Variants in PRPF8 observed in about 807,000 individuals in gnomAD.
The protein encoded by PRPF8 is pre-mRNA processing factor 8, also known as pre-mRNA-processing-splicing factor 8.
PRPF8 carries 64 observed loss-of-function variants against 285.9 expected under a neutral mutation model. The ratio of observed to expected loss-of-function variants is 0.22; its 90% CI spans 0.18 to 0.28. The LOEUF (loss-of-function observed/expected upper bound fraction) is 0.28, where lower values mean the gene tolerates loss of function less well. Ranked by LOEUF, PRPF8 falls within the 10% of genes least tolerant of loss-of-function variation. The probability of loss-of-function intolerance (pLI) is 1.00; values close to 1 mark genes in which losing one functional copy is unlikely to be tolerated. For synonymous variants in PRPF8, 1,325 were observed against 1,118.2 expected (o/e 1.18, Z -3.69); for missense variants, 1,426 against 3,026.7 (o/e 0.47, Z 12.41).
At chr17:1,682,385 G>C in intron 3 of PRPF8, 92 bp from the exon 4 acceptor site, 2 of 1,495,930 alleles carry the variant, frequency 1.3e-6, no homozygotes, top group Non-Finnish European at 1.9e-6. Flanking sequence ...ATGTTCCACA[G>C]TCCTACCTTA....
In PRPF8 at chr17:1,673,790, C is replaced by A. The variant is rs1219399714; in HGVS notation, c.3402G>T (p.Trp1134Cys). Residue 1134 changes from tryptophan to cysteine, a missense_variant, in exon 22 of 43, where the codon TGG becomes TGT. Trp to Cys is a radical substitution (Grantham distance 215, BLOSUM62 -2). Around this residue, in one of 34 missense-constraint regions of PRPF8, gnomAD observed 148 missense variants for 196.2 expected, o/e 0.75. Transcript: ENST00000304992. The surrounding 1 kb of genome is among the most constrained non-coding windows in gnomAD (Gnocchi z 5.5). ...TGAGGCGCATGCGGGCATCTCGGGG[C>A]CAGCACTTCTTGTTATTATAGCCAA... is the stretch of plus-strand genomic sequence containing the variant. ...NIVGYNNKKC[W>C]PRDARMRLMK... 2 of 1,614,010 alleles carry A rather than the reference C, an allele frequency of 1.2e-6. No homozygotes were observed. The highest frequency in any genetic ancestry group is 1.7e-6 in the Non-Finnish European group (2 of 1,180,052).
Position 1,681,944 on chromosome 17 carries a change from C to A in PRPF8, c.529G>T (p.Asp177Tyr). 6.2e-7 allele frequency: 1 copy of A among 1,613,966 alleles called. No individual in the cohort carries two copies. The highest frequency in any genetic ancestry group is 8.5e-7 in the Non-Finnish European group (1 of 1,179,996). Residue 177 changes from aspartate to tyrosine, a missense_variant, in exon 5 of 43, where the codon GAC becomes TAC. By Grantham distance (160) the Asp-to-Tyr change is radical (BLOSUM62 -3). This residue lies in a region of PRPF8 where 96 missense variants were observed against 188.3 expected (regional missense o/e 0.51). Coordinates refer to ENST00000304992, the MANE Select transcript of PRPF8 (RefSeq NM_006445.4). ...PPFDDEEPPLDYADNILDVEP... is the reference protein window; with the variant it reads ...PPFDDEEPPLYYADNILDVEP... ...ACATCTAGGATGTTGTCAGCATAGTCCAAGGGCGGCTCCTCATCATCAAAA... is the reference window on the plus strand; with the variant it reads ...ACATCTAGGATGTTGTCAGCATAGTACAAGGGCGGCTCCTCATCATCAAAA...
intron 13 of PRPF8, 78 bp downstream of exon 13, chr17:1,678,440 G>C: frequency 6.3e-7 from 1 of 1,581,862 alleles, no homozygotes; most frequent in Non-Finnish European, 8.7e-7. Flanking sequence ...CCAAGATCGT[G>C]CCATTGCACA....
chr17:1,670,555 C>T (rs751479646), intron 24 of PRPF8, among the ~76,000 whole-genome samples: 10 of 151,942 alleles, frequency 6.6e-5, no homozygotes, highest in East Asian at 1.9e-4. Flanking sequence ...GGTGGGATCT[C>T]GGCTCACTGC....
intron 24 of PRPF8, among the ~76,000 whole-genome samples, chr17:1,666,546 CAAAA>C (rs1555552060): frequency 8.9e-6 from 1 of 112,856 alleles, no homozygotes; most frequent in Non-Finnish European, 2.0e-5. Flanking sequence ...GACCCCATCT[CAAAA>C]AAAAAAAAAA....
Position 1,659,671 on chromosome 17 carries a change from G to T in PRPF8, c.4947-123C>A. 2 of 1,383,038 alleles carry T rather than the reference G, an allele frequency of 1.4e-6. No individual in the cohort carries two copies. Among genetic ancestry groups the T allele is most frequent in the African/African-American group, 1.4e-5 (1 of 70,124 alleles). The allele number at this position is 1,383,038 out of a possible 1,614,324, so 85.7% of individuals were successfully genotyped here. On this transcript the variant is annotated intron_variant, in intron 31 of 42. Coordinates refer to ENST00000304992, the MANE Select transcript of PRPF8 (RefSeq NM_006445.4). The surrounding 1 kb of genome is among the most constrained non-coding windows in gnomAD (Gnocchi z 5.1). ...CCACCAACTTGTTCCAGGTCAGCAGGACCCCAGAGAATCAGCAGATCTGAC... is the reference window on the plus strand; with the variant it reads ...CCACCAACTTGTTCCAGGTCAGCAGTACCCCAGAGAATCAGCAGATCTGAC...
chr17:1,667,253 T>C (rs1912042809), intron 24 of PRPF8, among the ~76,000 whole-genome samples: 1 of 152,102 alleles, frequency 6.6e-6, no homozygotes, highest in Admixed American at 6.5e-5. Flanking sequence ...TTAGGTTTAG[T>C]AAATTCTTGG....
At position 1,658,753 on chromosome 17, in the gene PRPF8, T is replaced by G; in HGVS notation, c.5149A>C (p.Asn1717His). Residue 1717 changes from asparagine to histidine, a missense_variant, in exon 33 of 43, where the codon AAC becomes CAC. Asn to His is a moderately conservative substitution (Grantham distance 68). This residue lies in a region of PRPF8 where 74 missense variants were observed against 161.8 expected (regional missense o/e 0.46). Transcript: ENST00000304992. The surrounding 1 kb of genome is among the most constrained non-coding windows in gnomAD (Gnocchi z 4.1). ...LAYNLHSAYG[N>H]WFPGSKPLIQ... Reference sequence around the variant, plus strand: ...AGAGGCTTGCTGCCTGGGAACCAGTTTCCATAGGCACTGTGAGGATAAAAG... The same window carrying G: ...AGAGGCTTGCTGCCTGGGAACCAGTGTCCATAGGCACTGTGAGGATAAAAG... 6.2e-7 allele frequency: 1 copy of G among 1,614,166 alleles called. No individual in the cohort carries two copies. Among genetic ancestry groups the G allele is most frequent in the Non-Finnish European group, 8.5e-7 (1 of 1,179,992 alleles).
chr17:1,654,005 G>A lies in PRPF8; in HGVS notation c.5999C>T (p.Ala2000Val). ...DYGKKNNVNVASLTQSEIRDI... is the reference protein window; with the variant it reads ...DYGKKNNVNVVSLTQSEIRDI... ...TCGAATTTCTGATTGTGTCAGTGAT[G>A]CCACGTTCACACTGTGGGGATGGTG... The change falls in exon 38 of 43, where the codon GCA (alanine) becomes GTA (valine). Residue 2000 changes from alanine to valine, a missense_variant. Around this residue, in one of 34 missense-constraint regions of PRPF8, gnomAD observed 160 missense variants for 373.7 expected, o/e 0.43. Coordinates refer to ENST00000304992, the MANE Select transcript of PRPF8 (RefSeq NM_006445.4). 1 of 1,614,196 alleles carries A rather than the reference G, an allele frequency of 6.2e-7. No individual in the cohort carries two copies. Among genetic ancestry groups the A allele is most frequent in the Non-Finnish European group, 8.5e-7 (1 of 1,180,040 alleles).
In PRPF8 at chr17:1,675,212, G is replaced by T. The variant is rs376110948; in HGVS notation, c.3000C>A (p.Ile1000=). The change falls in exon 20 of 43, where the codon ATC becomes ATA. Residue 1000 remains isoleucine (I), a synonymous_variant. Coordinates refer to ENST00000304992, the MANE Select transcript of PRPF8 (RefSeq NM_006445.4). This position sits in a 1 kb window ranked among gnomAD's most constrained non-coding sequence, Gnocchi z 6.0. ...LTLLNRLLRL[I]VDHNIADYMT... Reference sequence around the variant, plus strand: ...TGTAGTCGGCTATGTTGTGGTCCACGATGAGGCGCAGCAGCCTGTTGAGCA... The same window carrying T: ...TGTAGTCGGCTATGTTGTGGTCCACTATGAGGCGCAGCAGCCTGTTGAGCA... 5.6e-6 allele frequency: 9 copies of T among 1,614,148 alleles called. No individual in the cohort carries two copies. The highest frequency in any genetic ancestry group is 1.1e-5 in the South Asian group (1 of 91,088).
rs1912556592 is a variant in PRPF8, at chr17:1,675,372, T to G, written c.2873-33A>C. 1.2e-6 allele frequency: 2 copies of G among 1,612,542 alleles called. No individual in the cohort carries two copies. Among genetic ancestry groups the G allele is most frequent in the East Asian group, 2.2e-5 (1 of 44,872 alleles). Reference sequence around the variant, plus strand: ...GTAGCAAGGCAGGTCTCCAGCAGGTTAGAAATCCTCTTGCAAGACTAGCCC... The same window carrying G: ...GTAGCAAGGCAGGTCTCCAGCAGGTGAGAAATCCTCTTGCAAGACTAGCCC... On this transcript the variant is annotated intron_variant, in intron 19 of 42. Transcript: ENST00000304992. The surrounding 1 kb of genome is among the most constrained non-coding windows in gnomAD (Gnocchi z 6.0).
Position 1,651,115 on chromosome 17 carries a change from G to A in PRPF8, c.6846C>T (p.Asn2282=). Residue 2282 remains asparagine, a synonymous_variant, in exon 42 of 43, where the codon AAC becomes AAT. Transcript: ENST00000304992. This position sits in a 1 kb window ranked among gnomAD's most constrained non-coding sequence, Gnocchi z 5.1. ...CAGGCTCCTCCCACTTACCCATGAA[G>A]TTGTAGTTCCACGAGGACTGGGCAG... ...MVPAQSSWNY[N]FMGVRHDPNM... is the part of the protein sequence containing the mutation. 6.2e-7 allele frequency: 1 copy of A among 1,614,122 alleles called. No homozygotes were observed. The highest frequency in any genetic ancestry group is 8.5e-7 in the Non-Finnish European group (1 of 1,180,012).
chr17:1,672,215 G>GA (rs1001196119), intron 24 of PRPF8, among the ~76,000 whole-genome samples: 144 of 152,308 alleles, frequency 9.5e-4, no homozygotes, highest in African/African-American at 3.3e-3. Context: ...ATGAAGGTCG[G>GA]AATGCAAGAA....
chr17:1,676,869 GA>G lies in PRPF8; in HGVS notation c.2181+106del. 6.6e-7 allele frequency: 1 copy of G among 1,508,324 alleles called. No homozygotes were observed. The highest frequency in any genetic ancestry group is 9.1e-7 in the Non-Finnish European group (1 of 1,095,200). The allele number at this position is 1,508,324 out of a possible 1,614,324, so 93.4% of individuals were successfully genotyped here. ...GTGCTTCTTTTCCCTGTCTAAAAGG[GA>G]AAAGAAAAGAGATTGGAGCCAGATA... On this transcript the variant is annotated intron_variant, in intron 15 of 42. Coordinates refer to ENST00000304992, the MANE Select transcript of PRPF8 (RefSeq NM_006445.4). This position sits in a 1 kb window ranked among gnomAD's most constrained non-coding sequence, Gnocchi z 6.3.
At position 1,650,970 on chromosome 17, in the gene PRPF8, G is replaced by T. The variant is rs573493017; in HGVS notation, c.6854-14C>A. ...CATGCCGAACACCTTCGGGGAGAAG[G>T]AAACAGCCAATGTTAACAGGGCTCC... On this transcript the variant is annotated splice_polypyrimidine_tract_variant and intron_variant, in intron 42 of 42. Transcript: ENST00000304992. 52 of 1,614,168 alleles carry T rather than the reference G, an allele frequency of 3.2e-5. No homozygotes were observed. The South Asian group carries it at 5.3e-4, about 16-fold the overall frequency.
chr17:1,671,626 C>T (rs1017954865), intron 24 of PRPF8, among the ~76,000 whole-genome samples: 10 of 151,060 alleles, frequency 6.6e-5, no homozygotes, highest in African/African-American at 1.7e-4. Context: ...CTGAGGCAGG[C>T]GGATCACAAG....
rs1435027277 is a variant in PRPF8, at chr17:1,658,245, C to A, written c.5505+8G>T. On this transcript the variant is annotated splice_region_variant and intron_variant, in intron 34 of 42. Coordinates refer to ENST00000304992, the MANE Select transcript of PRPF8 (RefSeq NM_006445.4). This position sits in a 1 kb window ranked among gnomAD's most constrained non-coding sequence, Gnocchi z 4.1. ...TTCTACAGCCTCTTCATCTTTAAAC[C>A]TGCTCACCTGCCCCAAACGCTTCTG... is the stretch of plus-strand genomic sequence containing the variant. The A allele has an allele frequency of 6.2e-7, 1 of 1,614,032 alleles. No individual in the cohort carries two copies. Among genetic ancestry groups the A allele is most frequent in the Non-Finnish European group, 8.5e-7 (1 of 1,180,048 alleles).
rs1416481894 is a variant in PRPF8, at chr17:1,661,328, C to T, written c.4281G>A (p.Arg1427=). The part of the protein sequence containing the change: ...PRINTLFQKD[R]HTLAYDKGWR... ...AGCCCTTATCATAAGCCAGTGTGTG[C>T]CGGTCCTTCTGGAAGAGGGTATTGA... Residue 1427 remains arginine, a synonymous_variant, in exon 27 of 43, where the codon CGG becomes CGA. Transcript: ENST00000304992. This position sits in a 1 kb window ranked among gnomAD's most constrained non-coding sequence, Gnocchi z 7.3. The T allele has an allele frequency of 6.2e-7, 1 of 1,614,054 alleles. No homozygotes were observed. Among genetic ancestry groups the T allele is most frequent in the Non-Finnish European group, 8.5e-7 (1 of 1,180,034 alleles).
In PRPF8 at chr17:1,651,873, C is replaced by A; in HGVS notation, c.6370-85G>T. 4 of 1,512,620 alleles carry A rather than the reference C, an allele frequency of 2.6e-6. No homozygotes were observed. Among genetic ancestry groups the A allele is most frequent in the Non-Finnish European group, 3.7e-6 (4 of 1,092,954 alleles). 93.7% of individuals were successfully genotyped at this position (1,512,620 alleles called of 1,614,324 possible). On this transcript the variant is annotated intron_variant, in intron 39 of 42. Transcript: ENST00000304992. This position sits in a 1 kb window ranked among gnomAD's most constrained non-coding sequence, Gnocchi z 5.1. ...GCCAGCCCTCTGTTTCCTTCCTTCC[C>A]CCAAGAACGAGGACAGAGTTTCTTA...
Sources: allele counts gnomAD v4.1 joint callset (sites outside exome capture counted in the v4.1 genomes callset), GRCh38; gene constraint gnomAD v4.1.1; regional missense constraint gnomAD v4.1.1; non-coding constraint Gnocchi (gnomAD v3.1); transcripts MANE v1.5; gene names NCBI Gene and HGNC (gene_info 2026-07-23, HGNC 2026-07-21).